NIBAN1: variants seen among roughly 807,000 people sequenced by gnomAD.
NIBAN1 encodes the protein niban apoptosis regulator 1, also known as protein Niban 1.
NIBAN1 carries 81 observed loss-of-function variants against 75.1 expected under a neutral mutation model. The observed-to-expected ratio is 1.08, with a 90% CI of 0.90 to 1.30. NIBAN1 has a LOEUF of 1.30. Among genes scored for constraint, NIBAN1 ranks in the 50% most tolerant of loss-of-function variants. The pLI is 0.00. For missense variants in NIBAN1, 1,133 were observed against 1,128.1 expected (o/e 1.00, Z -0.06); for synonymous variants, 436 against 424.8 (o/e 1.03, Z -0.32).
At chr1:184,805,711 G>A (rs1381140478) in intron 11 of NIBAN1, among the ~76,000 whole-genome samples, 4 of 152,244 alleles carry the variant, frequency 2.6e-5, no homozygotes, top group East Asian at 1.9e-4. Flanking sequence ...GCTGGGACGC[G>A]GGGCCTGTAG....
chr1:184,898,527 A>G (rs147431139), intron 2 of NIBAN1, among the ~76,000 whole-genome samples: 2,614 of 152,256 alleles, frequency 0.017, 51 homozygotes, highest in East Asian at 0.074. Context: ...GAGGCAGGAG[A>G]ATCACTTGAA....
At chr1:184,835,094 TA>T (rs2102242337) in intron 5 of NIBAN1, among the ~76,000 whole-genome samples, 1 of 152,338 alleles carries the variant, frequency 6.6e-6, no homozygotes, top group African/African-American at 2.4e-5. Flanking sequence ...ATTTATTAAA[TA>T]GGGAATCTTT....
rs116525018 is a variant in NIBAN1 at position 184,863,995 on chromosome 1, A to G, written c.601+20638T>C. 9.5e-4 allele frequency among the ~76,000 whole-genome samples: 144 copies of G among 152,344 alleles called. 2 individuals carry two copies. Among genetic ancestry groups the G allele is most frequent in the South Asian group, 6.4e-3 (31 of 4,828 alleles). Reference sequence around the variant, plus strand: ...TGGCATTCAATAATTGGTTGCTAGTATTGTTACTTTCTAAAATCCCTCTTC... The same window carrying G: ...TGGCATTCAATAATTGGTTGCTAGTGTTGTTACTTTCTAAAATCCCTCTTC... On this transcript the variant is annotated intron_variant, in intron 5 of 13. Coordinates refer to ENST00000367511, the MANE Select transcript of NIBAN1 (RefSeq NM_052966.4).
At position 184,792,094 on chromosome 1, in the gene NIBAN1, C is replaced by G. The variant is rs996416227; in HGVS notation, c.*2883G>C. The G allele has an allele frequency of 6.6e-6, 1 of 152,104 alleles. No individual in the cohort carries two copies. The highest frequency in any genetic ancestry group is 2.4e-5 in the African/African-American group (1 of 41,378). 9.4% of individuals were successfully genotyped at this position (152,104 alleles called of 1,614,324 possible). A position where few individuals can be genotyped will look rare whatever the true frequency, so the allele number is the denominator to read the frequency against. ...GCCTCAACCACCCAAGTAGCTAGGA[C>G]TGCAGGCACACACCATTATTATTTT... is the stretch of plus-strand genomic sequence containing the variant. On this transcript the variant is annotated 3_prime_UTR_variant, in exon 14 of 14. Coordinates refer to ENST00000367511, the MANE Select transcript of NIBAN1 (RefSeq NM_052966.4).
rs75678748 is a variant in NIBAN1 at position 184,936,274 on chromosome 1, C to A, written c.56-36965G>T. Among the ~76,000 whole-genome samples, 773 of 152,136 alleles carry A rather than the reference C, an allele frequency of 5.1e-3. 4 individuals are homozygous for A. Among genetic ancestry groups the A allele is most frequent in the African/African-American group, 0.017 (722 of 41,506 alleles). On this transcript the variant is annotated intron_variant, in intron 1 of 13. Coordinates refer to ENST00000367511, the MANE Select transcript of NIBAN1 (RefSeq NM_052966.4). Reference sequence around the variant, plus strand: ...AGAACAACAGGAGAACTCACAGATTCCGGGAGTGTAGTTTCAGCAGCAGAC... The same window carrying A: ...AGAACAACAGGAGAACTCACAGATTACGGGAGTGTAGTTTCAGCAGCAGAC...
intron 12 of NIBAN1, among the ~76,000 whole-genome samples, chr1:184,800,669 T>C (rs1056090820): frequency 7.2e-5 from 11 of 152,124 alleles, no homozygotes; most frequent in Admixed American, 6.5e-5. Flanking sequence ...AAAGATCAGA[T>C]AGTTGTAGAT....
chr1:184,797,113 C>T (rs1337668150), intron 13 of NIBAN1, among the ~76,000 whole-genome samples: 1 of 149,038 alleles, frequency 6.7e-6, no homozygotes, highest in Non-Finnish European at 1.5e-5. Context: ...TTCAGGTCCA[C>T]AGTTTGATGG....
chr1:184,854,521 A>G (rs1441851770), intron 5 of NIBAN1, among the ~76,000 whole-genome samples: 1 of 152,216 alleles, frequency 6.6e-6, no homozygotes, highest in Non-Finnish European at 1.5e-5. Flanking sequence ...TGACAATTAT[A>G]TCTCACTCAT....
chr1:184,829,067 T>A (rs566684143), intron 6 of NIBAN1, among the ~76,000 whole-genome samples: 201 of 152,342 alleles, frequency 1.3e-3, no homozygotes, highest in Non-Finnish European at 2.6e-3. Context: ...TCCAAAGTGC[T>A]AAGATTACAG....
chr1:184,936,565 C>T (rs933431663), intron 1 of NIBAN1, among the ~76,000 whole-genome samples: 21 of 152,238 alleles, frequency 1.4e-4, no homozygotes, highest in African/African-American at 5.1e-4. Flanking sequence ...TTAGCAGGCC[C>T]ACCTGCCCTC....
intron 9 of NIBAN1, among the ~76,000 whole-genome samples, chr1:184,813,255 G>T (rs929914509): frequency 6.6e-6 from 1 of 152,118 alleles, no homozygotes; most frequent in Non-Finnish European, 1.5e-5. Context: ...TTATATAAAA[G>T]AACTCTAATT....
intron 4 of NIBAN1, among the ~76,000 whole-genome samples, chr1:184,886,313 C>T (rs1318566628): frequency 6.6e-6 from 1 of 152,186 alleles, no homozygotes; most frequent in Non-Finnish European, 1.5e-5. Flanking sequence ...GATGGATTCC[C>T]GTGCTGTTCC....
chr1:184,810,138 T>G (rs755060235), intron 9 of NIBAN1, among the ~76,000 whole-genome samples: 1 of 152,222 alleles, frequency 6.6e-6, no homozygotes, highest in Non-Finnish European at 1.5e-5. Context: ...CAATTATATA[T>G]GTGTATATAT....
intron 1 of NIBAN1, among the ~76,000 whole-genome samples, chr1:184,955,327 C>CTTTCCTTTCCTTTCCTTTCT (rs1658457974): frequency 7.0e-6 from 1 of 142,728 alleles, no homozygotes; most frequent in African/African-American, 2.6e-5. Flanking sequence ...CTTTCCTTTC[C>CTTTCCTTTCCTTTCCTTTCT]TTTCCTTTCC....
chr1:184,959,069 T>A (rs1658562314), intron 1 of NIBAN1, among the ~76,000 whole-genome samples: 1 of 152,250 alleles, frequency 6.6e-6, no homozygotes, highest in South Asian at 2.1e-4. Context: ...TTGTTCTGTG[T>A]GCGAACCAGA....
intron 1 of NIBAN1, among the ~76,000 whole-genome samples, chr1:184,914,306 G>A (rs1657324940): frequency 1.3e-5 from 2 of 152,142 alleles, no homozygotes; most frequent in South Asian, 2.1e-4. Context: ...GGAATATAAC[G>A]GGATTCCTTC....
intron 5 of NIBAN1, among the ~76,000 whole-genome samples, chr1:184,880,193 C>T (rs150862368): frequency 1.0e-3 from 156 of 152,274 alleles, no homozygotes; most frequent in African/African-American, 3.7e-3. Flanking sequence ...TTCCTCTGTT[C>T]CCCCAAATCC....
chr1:184,872,474 G>A (rs1319314584), intron 5 of NIBAN1, among the ~76,000 whole-genome samples: 1 of 152,184 alleles, frequency 6.6e-6, no homozygotes, highest in Non-Finnish European at 1.5e-5. Context: ...GGGAGGCTGA[G>A]GCAGGTAGAT....
intron 1 of NIBAN1, among the ~76,000 whole-genome samples, chr1:184,949,914 G>T (rs1462309488): frequency 2.0e-5 from 3 of 152,034 alleles, no homozygotes; most frequent in Non-Finnish European, 4.4e-5. Flanking sequence ...CCAGCCATAG[G>T]TAAGGCTCTT....
Sources: gnomAD v4.1 joint callset for allele counts (sites outside exome capture counted in the v4.1 genomes callset) on GRCh38, gnomAD v4.1.1 for gene constraint, MANE v1.5 for transcripts, NCBI Gene and HGNC (gene_info 2026-07-23, HGNC 2026-07-21) for gene names.